The following BUD23 variants were observed in gnomAD, a reference collection of about 807,000 sequenced individuals.
BUD23 encodes 18S rRNA (guanine-N(7))-methyltransferase.
In BUD23, 34 loss-of-function variants were observed where a neutral mutation model predicts 47.0. The observed-to-expected ratio is 0.72, with a 90% confidence interval of 0.55 to 0.96. The LOEUF (loss-of-function observed/expected upper bound fraction) is 0.96. Ranked by LOEUF, BUD23 falls within the 40% of genes least tolerant of loss-of-function variation. The pLI is 0.00. For missense variants in BUD23, 343 were observed against 361.2 expected, an observed-to-expected ratio of 0.95 and a Z score of 0.41; for synonymous variants, 124 against 132.0, an observed-to-expected ratio of 0.94 and a Z score of 0.41.
chr7:73,684,950 A>G (rs1797900884), intron 2 of BUD23, among the ~76,000 whole-genome samples: 2 of 122,670 alleles, frequency 1.6e-5, no homozygotes, highest in South Asian at 2.8e-4. Flanking sequence ...AAAAAAAAAA[A>G]AAAAAAAAAG....
intron 2 of BUD23, 29 bp from the exon 3 acceptor site, chr7:73,686,607 C>T: frequency 1.9e-6 from 3 of 1,605,766 alleles, no homozygotes; most frequent in Non-Finnish European, 1.7e-6. Context: ...ACTCCTTTAC[C>T]ATGTCCACTT....
Position 73,694,023 on chromosome 7 carries a change from C to A in BUD23, c.674C>A (p.Pro225His). 6.2e-7 allele frequency: 1 copy of A among 1,611,948 alleles called. No individual in the cohort carries two copies. The highest frequency in any genetic ancestry group is 8.5e-7 in the Non-Finnish European group (1 of 1,179,452). ...AGTGAAAATCAGGATGAAGTTGAAC[C>A]CAGGGAGTCTGTGTTCACCAATGAG... ...GLSENQDEVE[P>H]RESVFTNERF... The change falls in exon 10 of 12, where the codon CCC becomes CAC. Residue 225 changes from proline (P) to histidine (H), a missense_variant. Transcript: ENST00000265758.
rs1554612221 is a variant in BUD23, at chr7:73,683,817, T to C, written c.86+13T>C. 2 of 1,614,162 alleles carry C rather than the reference T, an allele frequency of 1.2e-6. No homozygotes were observed. The highest frequency in any genetic ancestry group is 1.7e-6 in the Non-Finnish European group (2 of 1,180,042). On this transcript the variant is annotated intron_variant, in intron 2 of 11. Coordinates refer to ENST00000265758, the MANE Select transcript of BUD23 (RefSeq NM_017528.5). ...AATACGTTCGCAAGTGAGGGGAGCC[T>C]GAATACTGCGGGGCGTCCGGGGGTC...
Position 73,692,665 on chromosome 7 carries a change from G to T in BUD23, c.510+19G>T, listed in dbSNP as rs782443717. The T allele has an allele frequency of 1.2e-6, 2 of 1,609,656 alleles. No homozygotes were observed. The highest frequency in any genetic ancestry group is 1.7e-6 in the Non-Finnish European group (2 of 1,176,510). ...AGAGCAGGTGAGTCCCTCGGCTACT[G>T]GGTGTGCCGGGGAGTTGGGGGACTC... On this transcript the variant is annotated intron_variant, in intron 7 of 11. Transcript: ENST00000265758.
At chr7:73,687,309 G>A (rs1278323621) in intron 5 of BUD23, among the ~76,000 whole-genome samples, 2 of 152,026 alleles carry the variant, frequency 1.3e-5, no homozygotes, top group African/African-American at 4.8e-5. Flanking sequence ...ATGGAGTCTT[G>A]CTCTGTCACC....
intron 2 of BUD23, among the ~76,000 whole-genome samples, chr7:73,685,641 G>A (rs543469018): frequency 6.6e-6 from 1 of 152,080 alleles, no homozygotes; most frequent in Non-Finnish European, 1.5e-5. Context: ...TTGCTCACGG[G>A]ATCCACCCGC....
chr7:73,685,892 A>G (rs1318676378), intron 2 of BUD23, among the ~76,000 whole-genome samples: 4 of 151,358 alleles, frequency 2.6e-5, no homozygotes, highest in Non-Finnish European at 1.5e-5. Context: ...GGAGATAGAG[A>G]AATCCTGGCT....
At chr7:73,686,581 G>T (rs1337319246) in intron 2 of BUD23, 55 bp from the exon 3 acceptor site, 2 of 1,485,488 alleles carry the variant, frequency 1.3e-6, no homozygotes, top group Non-Finnish European at 1.9e-6. Context: ...TGGTCTGGGG[G>T]AAGTATTCAC....
chr7:73,684,056 T>C (rs1554612313), intron 2 of BUD23: 43 of 1,339,470 alleles, frequency 3.2e-5, no homozygotes, highest in Non-Finnish European at 4.1e-5. Flanking sequence ...AATGTGACAA[T>C]TTGTCCTAAA....
intron 2 of BUD23, among the ~76,000 whole-genome samples, chr7:73,684,905 CAG>C (rs1797892634): frequency 9.0e-6 from 1 of 110,726 alleles, no homozygotes; most frequent in African/African-American, 3.8e-5. Flanking sequence ...GCCTGGGCGA[CAG>C]AGCAAGACTT....
intron 5 of BUD23, among the ~76,000 whole-genome samples, chr7:73,688,105 C>T (rs573440949): frequency 1.3e-5 from 2 of 152,038 alleles, no homozygotes; most frequent in Non-Finnish European, 1.5e-5. Flanking sequence ...ACCATGTTAG[C>T]CAGGATGGTC....
chr7:73,692,384 A>C (rs943384077), intron 6 of BUD23, among the ~76,000 whole-genome samples: 12 of 152,300 alleles, frequency 7.9e-5, no homozygotes, highest in Middle Eastern at 6.8e-3. Flanking sequence ...ACAAAGAAAA[A>C]ATTTGCTACT....
chr7:73,697,775 G>T, intron 11 of BUD23, 57 bp from the exon 12 acceptor site: 5 of 1,612,198 alleles, frequency 3.1e-6, no homozygotes, highest in East Asian at 4.5e-5. Flanking sequence ...TATTTGAAGG[G>T]TCCAGGGCTG....
rs1021969180 is a variant in BUD23, at chr7:73,688,938, G to A, written c.362+1843G>A. Among the ~76,000 whole-genome samples the A allele has an allele frequency of 3.3e-5, 5 of 152,272 alleles. No homozygotes were observed. In the East Asian group the frequency reaches 9.6e-4, roughly 29 times the overall value. ...AGGGTAGCAGATGCTTTTTGGTAATGGTCAGATGAGGTGTTTTAAGCTGTG... is the reference window on the plus strand; with the variant it reads ...AGGGTAGCAGATGCTTTTTGGTAATAGTCAGATGAGGTGTTTTAAGCTGTG... On this transcript the variant is annotated intron_variant, in intron 5 of 11. Coordinates refer to ENST00000265758, the MANE Select transcript of BUD23 (RefSeq NM_017528.5).
intron 2 of BUD23, 57 bp from the exon 3 acceptor site, chr7:73,686,579 G>C: frequency 6.8e-7 from 1 of 1,479,518 alleles, no homozygotes; most frequent in Non-Finnish European, 9.3e-7. Flanking sequence ...TTTGGTCTGG[G>C]GGAAGTATTC....
At chr7:73,686,098 CA>C (rs35703206) in intron 2 of BUD23, among the ~76,000 whole-genome samples, 100,761 of 143,388 alleles carry the variant, frequency 0.7, 35,449 homozygotes, top group East Asian at 0.84. Flanking sequence ...GACTCCGTCT[CA>C]AAAAAAAAAA....
At chr7:73,694,091 C>T in intron 10 of BUD23, 41 bp downstream of exon 10, 1 of 1,585,714 alleles carries the variant, frequency 6.3e-7, no homozygotes, top group Non-Finnish European at 8.5e-7. Flanking sequence ...GCAGCGGGGG[C>T]TGCCACATTT....
intron 10 of BUD23, chr7:73,695,637 T>TC (rs200630719): frequency 0.035 from 5,351 of 152,542 alleles, 92 homozygotes; most frequent in African/African-American, 0.04. Flanking sequence ...CTGCTGTCCG[T>TC]CCCTCAGTGT....
chr7:73,688,188 G>T (rs1226064322), intron 5 of BUD23, among the ~76,000 whole-genome samples: 1 of 151,962 alleles, frequency 6.6e-6, no homozygotes, highest in East Asian at 1.9e-4. Flanking sequence ...GAGCCACCGC[G>T]CCCAGCCTAA....
Sources: gnomAD v4.1 joint callset for allele counts (sites outside exome capture counted in the v4.1 genomes callset) on GRCh38, gnomAD v4.1.1 for gene constraint, MANE v1.5 for transcripts, NCBI Gene and HGNC (gene_info 2026-07-23, HGNC 2026-07-21) for gene names.